Variants in ITGA1 observed in about 807,000 individuals in gnomAD.
The protein encoded by ITGA1 is integrin subunit alpha 1, also known as integrin alpha-1.
ITGA1 carries 85 observed loss-of-function variants against 145.9 expected under a neutral mutation model. That is an observed-to-expected ratio of 0.58 (90% CI 0.49 to 0.70). ITGA1 has a LOEUF of 0.70. ITGA1 is among the 30% of genes least tolerant of loss of function. The pLI, the probability that ITGA1 is intolerant of heterozygous loss-of-function variation, is 0.00. For synonymous variants in ITGA1, 520 were observed against 495.3 expected (o/e 1.05, Z -0.66); for missense variants, 1,351 against 1,418.7 (o/e 0.95, Z 0.77).
At chr5:52,854,840 GA>G (rs1283536256) in intron 2 of ITGA1, among the ~76,000 whole-genome samples, 1 of 152,072 alleles carries the variant, frequency 6.6e-6, no homozygotes, top group Non-Finnish European at 1.5e-5. Context: ...TATTCATGGA[GA>G]AAAGTGTTTC....
intron 6 of ITGA1, among the ~76,000 whole-genome samples, chr5:52,880,068 G>A (rs1425105885): frequency 6.6e-6 from 1 of 152,160 alleles, no homozygotes; most frequent in Non-Finnish European, 1.5e-5. Flanking sequence ...GCCATGAAGT[G>A]GCAGTGGCAC....
chr5:52,951,349 AAT>A (rs1171917715), intron 28 of ITGA1, among the ~76,000 whole-genome samples: 1 of 152,150 alleles, frequency 6.6e-6, no homozygotes, highest in Non-Finnish European at 1.5e-5. Flanking sequence ...TTTTTTTAAA[AAT>A]AAGCATTTTA....
intron 14 of ITGA1, among the ~76,000 whole-genome samples, chr5:52,912,711 A>T (rs1019350314): frequency 7.6e-6 from 1 of 132,370 alleles, no homozygotes; most frequent in Non-Finnish European, 1.6e-5. Flanking sequence ...CTATATATAT[A>T]GTGTGTGTGT....
At chr5:52,908,871 G>A (rs763974840) in intron 12 of ITGA1, 27 bp from the exon 13 acceptor site, 19 of 1,609,116 alleles carry the variant, frequency 1.2e-5, no homozygotes, top group Non-Finnish European at 1.5e-5. Flanking sequence ...TGTTCATTGG[G>A]CTGTTTTGTT....
intron 9 of ITGA1, among the ~76,000 whole-genome samples, chr5:52,896,218 G>A (rs1750221105): frequency 6.6e-6 from 1 of 152,162 alleles, no homozygotes; most frequent in Admixed American, 6.5e-5. Flanking sequence ...CACTGCAGCA[G>A]GAAGAACATC....
chr5:52,800,984 T>TA, intron 1 of ITGA1: 1 of 1,614,180 alleles, frequency 6.2e-7, no homozygotes, highest in Non-Finnish European at 8.5e-7. Context: ...CAGCGCCACA[T>TA]ACACTTTGAT....
At chr5:52,843,586 A>G (rs1263843707) in intron 1 of ITGA1, among the ~76,000 whole-genome samples, 1 of 152,182 alleles carries the variant, frequency 6.6e-6, no homozygotes, top group African/African-American at 2.4e-5. Context: ...CAATCTGTCA[A>G]CAGCCTCTGT....
rs769511681 is a variant in ITGA1, at chr5:52,932,118, T to G, written c.2843T>G (p.Val948Gly). Residue 948 changes from valine (V) to glycine (G), a missense_variant, in exon 22 of 29, where the codon GTT becomes GGT. Physicochemically the swap from Val to Gly is moderately radical, Grantham distance 109. Transcript: ENST00000282588. ...VNISIPVKYE[V>G]GLQFYSSASE... ...ATTTCTATCCCGGTAAAATATGAAG[T>G]TGGACTACAGTTTTACAGGTAGGAG... The G allele has an allele frequency of 6.3e-7, 1 of 1,598,282 alleles. No individual in the cohort carries two copies. Among genetic ancestry groups the G allele is most frequent in the South Asian group, 1.1e-5 (1 of 90,550 alleles).
intron 9 of ITGA1, 28 bp from the exon 10 acceptor site, chr5:52,897,427 T>C (rs768811549): frequency 2.7e-6 from 4 of 1,498,810 alleles, no homozygotes; most frequent in Admixed American, 1.7e-5. Context: ...TTGTTACTTA[T>C]TTACAGTGAT....
At chr5:52,862,476 A>C (rs1381170891) in intron 3 of ITGA1, among the ~76,000 whole-genome samples, 1 of 152,150 alleles carries the variant, frequency 6.6e-6, no homozygotes, top group Non-Finnish European at 1.5e-5. Context: ...GAGCATACAT[A>C]AATTAGAATA....
chr5:52,831,577 G>T (rs1455978676), intron 1 of ITGA1, among the ~76,000 whole-genome samples: 1 of 150,490 alleles, frequency 6.6e-6, no homozygotes. Context: ...CATAAAATTG[G>T]CATCACAATA....
At chr5:52,947,791 C>T (rs1751158525) in intron 28 of ITGA1, among the ~76,000 whole-genome samples, 1 of 151,972 alleles carries the variant, frequency 6.6e-6, no homozygotes, top group Non-Finnish European at 1.5e-5. Context: ...CTTTTATAAA[C>T]AGAGAACAAT....
At chr5:52,843,715 T>C (rs1413764492) in intron 1 of ITGA1, among the ~76,000 whole-genome samples, 1 of 152,152 alleles carries the variant, frequency 6.6e-6, no homozygotes, top group Non-Finnish European at 1.5e-5. Flanking sequence ...TATTTTTATT[T>C]TTATTTTTAT....
chr5:52,844,245 A>G (rs1317140490), intron 1 of ITGA1, among the ~76,000 whole-genome samples: 4 of 152,246 alleles, frequency 2.6e-5, no homozygotes, highest in Non-Finnish European at 5.9e-5. Flanking sequence ...TTAGATCTGG[A>G]GCTCTGTGGC....
intron 8 of ITGA1, among the ~76,000 whole-genome samples, chr5:52,888,795 C>G (rs1750096877): frequency 6.6e-6 from 1 of 152,142 alleles, no homozygotes; most frequent in Admixed American, 6.5e-5. Flanking sequence ...CTTCATGGAA[C>G]AGCAGGTGAG....
intron 23 of ITGA1, 125 bp from the exon 24 acceptor site, chr5:52,937,276 C>T: frequency 1.5e-6 from 1 of 683,650 alleles, no homozygotes; most frequent in African/African-American, 1.8e-5. Context: ...AAAGGATCTA[C>T]ATTTGTTTGG....
At chr5:52,847,314 A>G (rs1212139159) in intron 1 of ITGA1, among the ~76,000 whole-genome samples, 2 of 152,158 alleles carry the variant, frequency 1.3e-5, no homozygotes, top group Non-Finnish European at 2.9e-5. Context: ...AAAGATTATA[A>G]ATTAGAGTAG....
intron 1 of ITGA1, among the ~76,000 whole-genome samples, chr5:52,823,291 G>A (rs1056925902): frequency 3.3e-5 from 5 of 152,112 alleles, no homozygotes; most frequent in South Asian, 2.1e-4. Flanking sequence ...TGCAACCTCC[G>A]CCTCCCGGGT....
At chr5:52,866,163 C>T (rs375528086) in intron 6 of ITGA1, among the ~76,000 whole-genome samples, 1 of 152,062 alleles carries the variant, frequency 6.6e-6, no homozygotes, top group African/African-American at 2.4e-5. Flanking sequence ...TACAGGCATG[C>T]GCCATCACAC....
Sources: allele counts gnomAD v4.1 joint callset (sites outside exome capture counted in the v4.1 genomes callset), GRCh38; gene constraint gnomAD v4.1.1; transcripts MANE v1.5; gene names NCBI Gene and HGNC (gene_info 2026-07-23, HGNC 2026-07-21).